STARD13: variants seen among roughly 807,000 people sequenced by gnomAD.
STARD13 encodes the protein stAR-related lipid transfer protein 13.
A neutral mutation model predicts 106.4 loss-of-function variants in STARD13; 62 were observed. The observed-to-expected ratio is 0.58, with a 90% CI of 0.48 to 0.72. The LOEUF is 0.72. Ranked by LOEUF, STARD13 falls within the 30% of genes least tolerant of loss-of-function variation. The pLI, the probability that STARD13 is intolerant of heterozygous loss-of-function variation, is 0.00. For missense variants in STARD13, 1,387 were observed against 1,424.0 expected, an observed-to-expected ratio of 0.97 and a Z score of 0.42; for synonymous variants, 565 against 553.0, an observed-to-expected ratio of 1.02 and a Z score of -0.31.
chr13:33,264,509 A>G (rs988089101), intron 1 of STARD13, among the ~76,000 whole-genome samples: 1 of 152,210 alleles, frequency 6.6e-6, no homozygotes, highest in African/African-American at 2.4e-5. Flanking sequence ...CACGTATTTC[A>G]TCAGCAGAGT....
intron 1 of STARD13, among the ~76,000 whole-genome samples, chr13:33,234,579 T>G (rs1889093899): frequency 6.6e-6 from 1 of 152,254 alleles, no homozygotes; most frequent in Non-Finnish European, 1.5e-5. Flanking sequence ...GGGACTTTTT[T>G]AATGTTATGA....
intron 1 of STARD13, among the ~76,000 whole-genome samples, chr13:33,178,818 C>T (rs1566053921): frequency 6.6e-6 from 1 of 152,042 alleles, no homozygotes; most frequent in African/African-American, 2.4e-5. Flanking sequence ...AGGTTGTACT[C>T]AAAAAACAAA....
the STARD13 span, among the ~76,000 whole-genome samples, chr13:33,609,569 C>CTT: frequency 9.9e-5 from 14 of 141,738 alleles, no homozygotes; most frequent in East Asian, 2.0e-4. Context: ...TTCTTTCTTT[C>CTT]TTTTTTTTTT....
the STARD13 span, among the ~76,000 whole-genome samples, chr13:33,540,269 G>C: frequency 1.2e-4 from 19 of 152,302 alleles, no homozygotes; most frequent in African/African-American, 4.3e-4. Flanking sequence ...GTGACCTTAG[G>C]TGATTCCTTA....
the STARD13 span, among the ~76,000 whole-genome samples, chr13:33,443,564 C>T: frequency 9.2e-5 from 14 of 151,898 alleles, no homozygotes; most frequent in Admixed American, 9.2e-4. Context: ...AATAGAAACT[C>T]TTTAGAACTT....
chr13:33,426,157 A>T, the STARD13 span, among the ~76,000 whole-genome samples: 1 of 152,184 alleles, frequency 6.6e-6, no homozygotes, highest in Non-Finnish European at 1.5e-5. Context: ...TAATGTCTTT[A>T]CATATGAGAC....
the STARD13 span, among the ~76,000 whole-genome samples, chr13:33,496,697 T>G: frequency 6.6e-6 from 1 of 152,254 alleles, no homozygotes; most frequent in Non-Finnish European, 1.5e-5. Context: ...CAGGTACACA[T>G]ACAGAAGAGT....
At chr13:33,116,113 T>C (rs1302073019) in intron 8 of STARD13, among the ~76,000 whole-genome samples, 2 of 152,172 alleles carry the variant, frequency 1.3e-5, no homozygotes, top group Non-Finnish European at 2.9e-5. Flanking sequence ...GCCCTAATAT[T>C]CAATGTCCTT....
At chr13:33,675,912 A>C in the STARD13 span, among the ~76,000 whole-genome samples, 1 of 152,166 alleles carries the variant, frequency 6.6e-6, no homozygotes, top group Non-Finnish European at 1.5e-5. Flanking sequence ...CTACCTCTGG[A>C]GGCAGATCAG....
At chr13:33,308,396 G>A (rs924252508) in intron 1 of STARD13, among the ~76,000 whole-genome samples, 1 of 151,928 alleles carries the variant, frequency 6.6e-6, no homozygotes, top group African/African-American at 2.4e-5. Flanking sequence ...TGTTAGAAAA[G>A]CATCTATCAA....
the STARD13 span, among the ~76,000 whole-genome samples, chr13:33,656,316 T>C: frequency 6.6e-6 from 1 of 152,000 alleles, no homozygotes; most frequent in Non-Finnish European, 1.5e-5. Flanking sequence ...GAAGACGGAA[T>C]GGAAGAAGAA....
chr13:33,191,288 T>C (rs1176626068), intron 1 of STARD13, among the ~76,000 whole-genome samples: 1 of 152,238 alleles, frequency 6.6e-6, no homozygotes. Context: ...CCATCTATTA[T>C]TGTTACTGAA....
At chr13:33,167,790 C>A (rs1311465239) in intron 1 of STARD13, among the ~76,000 whole-genome samples, 168 bp from the exon 2 acceptor site, 1 of 152,034 alleles carries the variant, frequency 6.6e-6, no homozygotes, top group Non-Finnish European at 1.5e-5. Context: ...GGAAAACGAG[C>A]GGGTAATACA....
chr13:33,382,933 A>T, the STARD13 span, among the ~76,000 whole-genome samples: 2 of 152,234 alleles, frequency 1.3e-5, no homozygotes, highest in East Asian at 3.8e-4. Flanking sequence ...ATTCCATGAT[A>T]TCTAGCTTCC....
chr13:33,643,292 G>A, the STARD13 span, among the ~76,000 whole-genome samples: 4 of 152,104 alleles, frequency 2.6e-5, no homozygotes, highest in East Asian at 1.9e-4. Context: ...CTAAAAGAAC[G>A]CTGCGTATTT....
At chr13:33,351,128 G>T (rs943980497), upstream of STARD13, among the ~76,000 whole-genome samples, 5 of 152,028 alleles carry the variant, frequency 3.3e-5, no homozygotes, top group African/African-American at 1.2e-4. Context: ...TAATTATCTG[G>T]CTGCAAACTA....
chr13:33,137,352 C>T (rs1879194063), intron 4 of STARD13, among the ~76,000 whole-genome samples: 1 of 152,256 alleles, frequency 6.6e-6, no homozygotes, highest in Non-Finnish European at 1.5e-5. Context: ...CTCTCACCTA[C>T]TCAGCTCTGC....
the STARD13 span, among the ~76,000 whole-genome samples, chr13:33,605,816 C>T: frequency 1.3e-5 from 2 of 152,132 alleles, no homozygotes; most frequent in Non-Finnish European, 2.9e-5. Flanking sequence ...AGTTCTACTT[C>T]GGTAGTCTCT....
At chr13:33,557,013 G>C in the STARD13 span, among the ~76,000 whole-genome samples, 2 of 152,158 alleles carry the variant, frequency 1.3e-5, no homozygotes, top group Admixed American at 1.3e-4. Flanking sequence ...GAAAAAAGCA[G>C]ATTCATCAAA....
Sources: gnomAD v4.1 joint callset for allele counts (sites outside exome capture counted in the v4.1 genomes callset) on GRCh38, gnomAD v4.1.1 for gene constraint, MANE v1.5 for transcripts, NCBI Gene and HGNC (gene_info 2026-07-23, HGNC 2026-07-21) for gene names.